The following APOD variants were observed in gnomAD, a reference collection of about 807,000 sequenced individuals.
APOD encodes the protein apolipoprotein D.
A neutral mutation model predicts 20.4 loss-of-function variants in APOD; 22 were observed. That is an observed-to-expected ratio of 1.08 (90% CI 0.77 to 1.54). APOD has a LOEUF of 1.54. Ranked by LOEUF, APOD falls within the 40% of genes most tolerant of loss-of-function variation. The pLI, the probability that APOD is intolerant of heterozygous loss-of-function variation, is 0.00. For missense variants in APOD, 223 were observed against 229.6 expected (o/e 0.97, Z 0.19); for synonymous variants, 97 against 92.4 (o/e 1.05, Z -0.29).
At chr3:195,570,005 C>T (rs1353966082) in intron 4 of APOD, among the ~76,000 whole-genome samples, 5 of 151,654 alleles carry the variant, frequency 3.3e-5, no homozygotes, top group African/African-American at 9.7e-5. Context: ...TTCACCATGT[C>T]GGCCAGGCTG....
intron 4 of APOD, chr3:195,571,060 C>T: frequency 5.1e-6 from 3 of 582,724 alleles, no homozygotes; most frequent in Non-Finnish European, 6.2e-6. Context: ...TCAGTATCCA[C>T]ACTGGGATGT....
intron 1 of APOD, among the ~76,000 whole-genome samples, 153 bp downstream of exon 1, chr3:195,583,723 GTT>G (rs1400020476): frequency 6.6e-6 from 1 of 152,146 alleles, no homozygotes; most frequent in Non-Finnish European, 1.5e-5. Context: ...TTGTACATTT[GTT>G]TGAGGAAAAA....
chr3:195,576,940 T>A (rs1485123531), intron 2 of APOD: 4 of 168,300 alleles, frequency 2.4e-5, no homozygotes, highest in Non-Finnish European at 3.9e-5. Flanking sequence ...ATCCTAGCAC[T>A]ATGGGAGGCC....
In APOD at chr3:195,568,726, G is replaced by C; in HGVS notation, c.*174C>G. ...CAACTTGGAATCTACTGCGAGCACA[G>C]CAGGTCAGCAACAAGTTTATTTTGC... is the stretch of plus-strand genomic sequence containing the variant. On this transcript the variant is annotated 3_prime_UTR_variant, in exon 5 of 5. Transcript: ENST00000343267. 1 of 611,930 alleles carries C rather than the reference G, an allele frequency of 1.6e-6. No individual in the cohort carries two copies. The highest frequency in any genetic ancestry group is 1.9e-5 in the African/African-American group (1 of 53,772). 37.9% of individuals were successfully genotyped at this position (611,930 alleles called of 1,614,324 possible).
chr3:195,571,210 C>T (rs756524547), intron 4 of APOD, 67 bp downstream of exon 4: 32 of 1,371,932 alleles, frequency 2.3e-5, no homozygotes, highest in African/African-American at 7.1e-5. Flanking sequence ...TTCTCCAAGC[C>T]GGGGCGCTAG....
intron 3 of APOD, 49 bp from the exon 4 acceptor site, chr3:195,571,414 G>GAA: frequency 6.8e-7 from 1 of 1,464,018 alleles, no homozygotes; most frequent in Non-Finnish European, 9.4e-7. Context: ...AAAGAGAAAA[G>GAA]AAAAACAACT....
chr3:195,576,021 C>T (rs759265161), intron 2 of APOD, among the ~76,000 whole-genome samples: 1 of 152,184 alleles, frequency 6.6e-6, no homozygotes, highest in Non-Finnish European at 1.5e-5. Context: ...ATTGCTTCAG[C>T]CACGGCTTTC....
At chr3:195,572,946 G>A (rs1250342295) in intron 3 of APOD, among the ~76,000 whole-genome samples, 1 of 152,190 alleles carries the variant, frequency 6.6e-6, no homozygotes, top group Non-Finnish European at 1.5e-5. Flanking sequence ...ACAGGCCAGG[G>A]ATTCTGGGAA....
chr3:195,579,518 G>A (rs1246892655), intron 1 of APOD, 23 bp from the exon 2 acceptor site: 24 of 1,598,000 alleles, frequency 1.5e-5, no homozygotes, highest in South Asian at 2.2e-5. Flanking sequence ...AAAGCAGCTG[G>A]GGTTGTCATT....
chr3:195,579,601 C>T (rs770300829), intron 1 of APOD, 106 bp from the exon 2 acceptor site: 23 of 1,204,578 alleles, frequency 1.9e-5, no homozygotes, highest in Non-Finnish European at 2.4e-5. Flanking sequence ...GGCGGTCCCT[C>T]CTCTTCTCTC....
rs769485747 is a variant in APOD, at chr3:195,569,069, C to A, written c.401G>T (p.Cys134Phe). 6.2e-7 allele frequency: 1 copy of A among 1,614,104 alleles called. No individual in the cohort carries two copies. Among genetic ancestry groups the A allele is most frequent in the Non-Finnish European group, 8.5e-7 (1 of 1,180,032 alleles). ...DYENYALVYS[C>F]TCIIQLFHVD... ...GTGAAAAAGTTGGATGATGCAGGTA[C>A]AGGAATACACGAGGGCATAGTTCTC... Residue 134 changes from cysteine (C) to phenylalanine (F), a missense_variant, in exon 5 of 5, where the codon TGT (cysteine) becomes TTT (phenylalanine). Physicochemically the swap from Cys to Phe is radical, Grantham distance 205. Transcript: ENST00000343267.
intron 1 of APOD, among the ~76,000 whole-genome samples, chr3:195,580,869 G>T (rs1388985331): frequency 6.6e-6 from 1 of 152,196 alleles, no homozygotes; most frequent in Non-Finnish European, 1.5e-5. Context: ...AGGACTGTGT[G>T]CAGGTTCTGG....
At chr3:195,574,861 T>C (rs557201855) in intron 2 of APOD, among the ~76,000 whole-genome samples, 146 of 152,366 alleles carry the variant, frequency 9.6e-4, no homozygotes, top group Non-Finnish European at 1.4e-3. Flanking sequence ...TGATTTCTAA[T>C]ATTTAATGAC....
At chr3:195,569,745 C>T (rs62287728) in intron 4 of APOD, among the ~76,000 whole-genome samples, 4,829 of 151,470 alleles carry the variant, frequency 0.032, 119 homozygotes, top group Non-Finnish European at 0.049. Flanking sequence ...CATGTACACT[C>T]CCAGGCTCTA....
chr3:195,569,152 G>A lies in APOD; in HGVS notation c.335-17C>T, dbSNP rs370144240. On this transcript the variant is annotated splice_polypyrimidine_tract_variant and intron_variant, in intron 4 of 4. Coordinates refer to ENST00000343267, the MANE Select transcript of APOD (RefSeq NM_001647.4). ...ATGGCATAACTGAGAACCAGAGAGA[G>A]GCAGCATTATTGGAGGGAGAGGGCA... 1.3e-5 allele frequency: 21 copies of A among 1,606,782 alleles called. No homozygotes were observed. The African/African-American group carries it at 2.4e-4, about 18-fold the overall frequency.
At chr3:195,582,580 A>C (rs922324598) in intron 1 of APOD, 6 of 152,162 alleles carry the variant, frequency 3.9e-5, no homozygotes, top group African/African-American at 1.2e-4. Context: ...GTCTCTACTA[A>C]AAATACAAAA....
chr3:195,580,227 G>A (rs1720311621), intron 1 of APOD, among the ~76,000 whole-genome samples: 1 of 152,290 alleles, frequency 6.6e-6, no homozygotes, highest in African/African-American at 2.4e-5. Context: ...AATTAAATGA[G>A]ATAATATACA....
At chr3:195,579,592 G>A in intron 1 of APOD, 97 bp from the exon 2 acceptor site, 1 of 1,348,812 alleles carries the variant, frequency 7.4e-7, no homozygotes, top group Non-Finnish European at 1.0e-6. Flanking sequence ...CCCTCTGTGG[G>A]CGGTCCCTCC....
chr3:195,572,390 A>G (rs1294153540), intron 3 of APOD, among the ~76,000 whole-genome samples: 3 of 152,252 alleles, frequency 2.0e-5, no homozygotes, highest in Admixed American at 1.3e-4. Context: ...GAAGAAATGC[A>G]TATCTCACAA....
Sources: gnomAD v4.1 joint callset for allele counts (sites outside exome capture counted in the v4.1 genomes callset) on GRCh38, gnomAD v4.1.1 for gene constraint, MANE v1.5 for transcripts, NCBI Gene and HGNC (gene_info 2026-07-23, HGNC 2026-07-21) for gene names.